Variants in MYT1L observed in about 807,000 individuals in gnomAD.
MYT1L encodes myelin transcription factor 1 like, also known as myelin transcription factor 1-like protein.
In MYT1L, 12 loss-of-function variants were observed where a neutral mutation model predicts 126.7. That is an observed-to-expected ratio of 0.09 (90% CI 0.06 to 0.15). The LOEUF (loss-of-function observed/expected upper bound fraction) is 0.15, where lower values mean the gene tolerates loss of function less well. MYT1L is among the 10% of genes least tolerant of loss of function. The probability of loss-of-function intolerance (pLI) is 1.00; values close to 1 mark genes in which losing one functional copy is unlikely to be tolerated. For synonymous variants in MYT1L, 541 were observed against 604.2 expected (o/e 0.90, Z 1.53); for missense variants, 979 against 1,585.2 (o/e 0.62, Z 6.49).
chr2:1,879,160 C>T (rs2047258170), intron 18 of MYT1L, among the ~76,000 whole-genome samples: 1 of 152,178 alleles, frequency 6.6e-6, no homozygotes, highest in East Asian at 1.9e-4. Context: ...CAAAGCCTTT[C>T]ACTCAAGAAA....
At chr2:2,221,514 A>T (rs377683605) in intron 2 of MYT1L, among the ~76,000 whole-genome samples, 62 of 152,322 alleles carry the variant, frequency 4.1e-4, no homozygotes, top group African/African-American at 1.3e-3. Flanking sequence ...GAGAAAAAAA[A>T]GTAACCAAGT....
At chr2:2,108,667 T>C (rs926599732) in intron 3 of MYT1L, among the ~76,000 whole-genome samples, 4 of 152,270 alleles carry the variant, frequency 2.6e-5, no homozygotes, top group African/African-American at 7.2e-5. Flanking sequence ...TTATGATCCA[T>C]GTTACTGCGA....
intron 2 of MYT1L, among the ~76,000 whole-genome samples, chr2:2,259,566 A>T (rs533101524): frequency 6.6e-6 from 1 of 152,304 alleles, no homozygotes; most frequent in East Asian, 1.9e-4. Context: ...GCTGAAAAAA[A>T]ATCAGGAATA....
At chr2:2,241,343 G>A (rs1559435173) in intron 2 of MYT1L, among the ~76,000 whole-genome samples, 1 of 152,064 alleles carries the variant, frequency 6.6e-6, no homozygotes, top group Non-Finnish European at 1.5e-5. Context: ...GGAAGAACAG[G>A]AACACAATGG....
chr2:2,187,009 G>T (rs1162135418), intron 2 of MYT1L, among the ~76,000 whole-genome samples: 1 of 152,094 alleles, frequency 6.6e-6, no homozygotes, highest in Non-Finnish European at 1.5e-5. Context: ...TCTAAAAAAG[G>T]TATGATCGAA....
chr2:2,292,295 C>T (rs1573243087), intron 1 of MYT1L, among the ~76,000 whole-genome samples: 1 of 152,344 alleles, frequency 6.6e-6, no homozygotes, highest in East Asian at 1.9e-4. Flanking sequence ...TCAGGCCAGC[C>T]TGCGGCCTCC....
rs1184148410 is a variant in MYT1L at position 2,224,673 on chromosome 2, G to T, written c.-420-51685C>A. The stretch of plus-strand genomic sequence containing the variant: ...TCTCTACTAAAAATACAAAAAATTA[G>T]CCAGGTGTGGTGGCGGGCACCTGTA... On this transcript the variant is annotated intron_variant, in intron 2 of 24. Coordinates refer to ENST00000647738, the MANE Select transcript of MYT1L (RefSeq NM_001303052.2). This position sits in a 1 kb window ranked among gnomAD's most constrained non-coding sequence, Gnocchi z 4.0. 1.3e-5 allele frequency among the ~76,000 whole-genome samples: 2 copies of T among 151,952 alleles called. No homozygotes were observed. Among genetic ancestry groups the T allele is most frequent in the African/African-American group, 4.8e-5 (2 of 41,318 alleles).
chr2:2,239,274 G>A (rs745568175), intron 2 of MYT1L, among the ~76,000 whole-genome samples: 35 of 152,184 alleles, frequency 2.3e-4, no homozygotes, highest in Non-Finnish European at 3.5e-4. Flanking sequence ...CAGACAGACG[G>A]GGGCAAAGGA....
In MYT1L at chr2:1,880,495, T is replaced by C. The variant is rs532443094; in HGVS notation, c.2711+6044A>G. Among the ~76,000 whole-genome samples, 276 of 152,296 alleles carry C rather than the reference T, an allele frequency of 1.8e-3. 2 individuals carry two copies. Among genetic ancestry groups the C allele is most frequent in the African/African-American group, 6.3e-3 (263 of 41,566 alleles). On this transcript the variant is annotated intron_variant, in intron 18 of 24. Coordinates refer to ENST00000647738, the MANE Select transcript of MYT1L (RefSeq NM_001303052.2). ...TAGAACACTTTTAAATGAGACTTTA[T>C]TTTCTTAACTGACTGTAGATGGGGC... is the stretch of plus-strand genomic sequence containing the variant.
rs1359113025 is a variant in MYT1L at position 1,943,368 on chromosome 2, G to A, written c.153-34C>T. 1.1e-5 allele frequency: 16 copies of A among 1,493,424 alleles called. No homozygotes were observed. The Admixed American group carries it at 2.3e-4, about 21-fold the overall frequency. 92.5% of individuals were successfully genotyped at this position (1,493,424 alleles called of 1,614,324 possible). ...AAAAATAGAGAAGGCAGGGGAGAGAGAGAAAAAAAATATCTGTGTTACTGT... is the reference window on the plus strand; with the variant it reads ...AAAAATAGAGAAGGCAGGGGAGAGAAAGAAAAAAAATATCTGTGTTACTGT... On this transcript the variant is annotated intron_variant, in intron 8 of 24. Transcript: ENST00000647738. This position sits in a 1 kb window ranked among gnomAD's most constrained non-coding sequence, Gnocchi z 4.4.
At chr2:2,010,389 C>T (rs2063715038) in intron 4 of MYT1L, among the ~76,000 whole-genome samples, 1 of 152,068 alleles carries the variant, frequency 6.6e-6, no homozygotes, top group Non-Finnish European at 1.5e-5. Context: ...TTAAGTTCTG[C>T]TTGGCTATGA....
At chr2:2,134,064 A>G (rs1263782123) in intron 3 of MYT1L, among the ~76,000 whole-genome samples, 2 of 152,106 alleles carry the variant, frequency 1.3e-5, no homozygotes, top group Non-Finnish European at 2.9e-5. Flanking sequence ...TGGTGTGGTG[A>G]TCAAACACAA....
intron 3 of MYT1L, among the ~76,000 whole-genome samples, chr2:2,172,240 T>A (rs960109618): frequency 1.3e-5 from 2 of 152,094 alleles, no homozygotes; most frequent in African/African-American, 4.8e-5. Context: ...AGACCCCACA[T>A]GCTTTACTAA....
At chr2:2,052,006 G>T (rs959600592) in intron 4 of MYT1L, among the ~76,000 whole-genome samples, 2 of 151,792 alleles carry the variant, frequency 1.3e-5, no homozygotes, top group Non-Finnish European at 2.9e-5. Context: ...TATTGAAAAA[G>T]AACATAGTTA....
chr2:1,849,267 G>T (rs2042904038), intron 19 of MYT1L, among the ~76,000 whole-genome samples: 1 of 152,176 alleles, frequency 6.6e-6, no homozygotes, highest in South Asian at 2.1e-4. Flanking sequence ...CACGTGAGAG[G>T]ACCAAGACAT....
chr2:2,022,762 T>C (rs2065162430), intron 4 of MYT1L, among the ~76,000 whole-genome samples: 3 of 151,956 alleles, frequency 2.0e-5, no homozygotes, highest in Admixed American at 2.0e-4. Context: ...TCTTTGTCCG[T>C]ATTTATCTTT....
chr2:1,898,477 C>T (rs552984644), intron 14 of MYT1L, among the ~76,000 whole-genome samples: 3 of 152,352 alleles, frequency 2.0e-5, no homozygotes, highest in South Asian at 2.1e-4. Context: ...CAAAGGGCGT[C>T]GAGGTCCAGG....
At chr2:2,210,019 AT>A (rs1182093543) in intron 2 of MYT1L, among the ~76,000 whole-genome samples, 1 of 152,020 alleles carries the variant, frequency 6.6e-6, no homozygotes, top group Non-Finnish European at 1.5e-5. Context: ...TGCAGGTTTG[AT>A]TTGCATTTCT....
chr2:2,275,247 C>T (rs918648045), intron 2 of MYT1L, among the ~76,000 whole-genome samples: 110 of 103,824 alleles, frequency 1.1e-3, no homozygotes, highest in African/African-American at 2.7e-3. Context: ...TGTGTGTGTG[C>T]ATGCCTGTTA....
Sources: allele counts gnomAD v4.1 joint callset (sites outside exome capture counted in the v4.1 genomes callset), GRCh38; gene constraint gnomAD v4.1.1; non-coding constraint Gnocchi (gnomAD v3.1); transcripts MANE v1.5; gene names NCBI Gene and HGNC (gene_info 2026-07-23, HGNC 2026-07-21).